Variants in STRA6 observed in about 807,000 individuals in gnomAD.
STRA6 encodes the protein receptor for retinol uptake STRA6.
A neutral mutation model predicts 83.6 loss-of-function variants in STRA6; 48 were observed. That is an observed-to-expected ratio of 0.57 (90% CI 0.46 to 0.73). STRA6 has a LOEUF of 0.73. Among genes scored for constraint, STRA6 ranks in the 30% least tolerant of loss-of-function variants. STRA6 has a pLI of 0.00. For synonymous variants in STRA6, 353 were observed against 362.3 expected (o/e 0.97, Z 0.29); for missense variants, 760 against 838.8 (o/e 0.91, Z 1.16).
rs2072890902 is a variant in STRA6, at chr15:74,179,939, C to T, written c.*141G>A. On this transcript the variant is annotated 3_prime_UTR_variant, in exon 19 of 19. Coordinates refer to ENST00000395105, the MANE Select transcript of STRA6 (RefSeq NM_022369.4). Reference sequence around the variant, plus strand: ...CCTGAGGCTCCCAGTGCAGACAGACCTCCACCCAACCACAGTGATCCGGAG... The same window carrying T: ...CCTGAGGCTCCCAGTGCAGACAGACTTCCACCCAACCACAGTGATCCGGAG... 1.7e-6 allele frequency: 2 copies of T among 1,189,632 alleles called. No individual in the cohort carries two copies. The highest frequency in any genetic ancestry group is 1.5e-5 in the African/African-American group (1 of 66,838). The allele number at this position is 1,189,632 out of a possible 1,614,324, so 73.7% of individuals were successfully genotyped here. A position where few individuals can be genotyped will look rare whatever the true frequency, so the allele number is the denominator to read the frequency against.
intron 17 of STRA6, 57 bp downstream of exon 17, chr15:74,181,238 C>T: frequency 4.4e-6 from 7 of 1,603,596 alleles, no homozygotes; most frequent in Non-Finnish European, 5.1e-6. Context: ...AGGGCAGATG[C>T]CTTCCTCACT....
upstream of STRA6, chr15:74,203,087 A>T: frequency 2.0e-6 from 2 of 985,564 alleles, no homozygotes; most frequent in South Asian, 4.7e-5. Context: ...CCAGCATTAC[A>T]GCAACAACCG....
In STRA6 at chr15:74,180,891, C is replaced by A. The variant is rs776349957; in HGVS notation, c.1731G>T (p.Ser577=). The change falls in exon 18 of 19, where the codon TCG becomes TCT. Residue 577 remains serine (S), a synonymous_variant. Transcript: ENST00000395105. ...RNFLKIEVSQ[S]HPAMTAFCSL... ...AGCAGAAGGCTGTCATGGCTGGATG[C>A]GACTGGCTGACTTCAATCTTCAAGA... is the stretch of plus-strand genomic sequence containing the variant. 4 of 1,613,974 alleles carry A rather than the reference C, an allele frequency of 2.5e-6. No individual in the cohort carries two copies. The highest frequency in any genetic ancestry group is 2.2e-5 in the South Asian group (2 of 91,066).
chr15:74,182,017 G>A, intron 16 of STRA6, 144 bp downstream of exon 16: 1 of 779,386 alleles, frequency 1.3e-6, no homozygotes, highest in Admixed American at 2.0e-5. Flanking sequence ...TTTCTCTATG[G>A]GTAAGGCAAG....
chr15:74,207,279 T>TCC (rs2074280942), upstream of STRA6, among the ~76,000 whole-genome samples: 1 of 151,836 alleles, frequency 6.6e-6, no homozygotes, highest in Non-Finnish European at 1.5e-5. Flanking sequence ...CTCAGAAACA[T>TCC]CCCCTCAAGG....
In STRA6 at chr15:74,183,995, G is replaced by A; in HGVS notation, c.1167-6C>T. The A allele has an allele frequency of 6.2e-7, 1 of 1,612,688 alleles. No individual in the cohort carries two copies. The highest frequency in any genetic ancestry group is 8.5e-7 in the Non-Finnish European group (1 of 1,180,012). ...GCAGAGCTCGAAGGTTGGTCCTGGG[G>A]TGGGAGCCAGGGAGGCAGAGACCTC... On this transcript the variant is annotated splice_polypyrimidine_tract_variant and splice_region_variant and intron_variant, in intron 13 of 18. Coordinates refer to ENST00000395105, the MANE Select transcript of STRA6 (RefSeq NM_022369.4).
chr15:74,211,393 C>CTTTTT (rs34963230), upstream of STRA6, among the ~76,000 whole-genome samples: 61 of 73,888 alleles, frequency 8.3e-4, no homozygotes, highest in East Asian at 1.3e-3. Flanking sequence ...CTGCCCCTGG[C>CTTTTT]TTTTTTTTTT....
rs759656833 is a variant in STRA6 at position 74,191,130 on chromosome 15, C to A, written c.865+37G>T. On this transcript the variant is annotated intron_variant, in intron 10 of 18. Transcript: ENST00000395105. ...CATTCTGTGCAAGGGAGGGTAACGT[C>A]CCCTGTCACGCTCGGCCTCAGCTCC... 4.3e-6 allele frequency: 7 copies of A among 1,610,778 alleles called. No individual in the cohort carries two copies. In the African/African-American group the frequency reaches 6.7e-5, roughly 15 times the overall value.
At chr15:74,201,255 A>C (rs2074045882) in intron 2 of STRA6, among the ~76,000 whole-genome samples, 1 of 152,152 alleles carries the variant, frequency 6.6e-6, no homozygotes, top group African/African-American at 2.4e-5. Context: ...TTTCCTTCTC[A>C]AGTTTCAGGT....
Position 74,188,072 on chromosome 15 carries a change from C to T in STRA6, c.1090+1043G>A, listed in dbSNP as rs908158711. Among the ~76,000 whole-genome samples the T allele has an allele frequency of 3.3e-5, 5 of 152,286 alleles. No individual in the cohort carries two copies. Among genetic ancestry groups the T allele is most frequent in the Admixed American group, 6.5e-5 (1 of 15,296 alleles). The stretch of plus-strand genomic sequence containing the variant: ...ACTTGTCACCTGTCCAGTTTGTTGC[C>T]CTCAGCAGCAGTTCCAGGGCAGCCT... On this transcript the variant is annotated intron_variant, in intron 12 of 18. Coordinates refer to ENST00000395105, the MANE Select transcript of STRA6 (RefSeq NM_022369.4). The surrounding 1 kb of genome is among the most constrained non-coding windows in gnomAD (Gnocchi z 4.5).
At chr15:74,186,757 C>A (rs1432665459) in intron 12 of STRA6, among the ~76,000 whole-genome samples, 3 of 152,060 alleles carry the variant, frequency 2.0e-5, no homozygotes, top group African/African-American at 4.8e-5. Flanking sequence ...GGCGACAGAG[C>A]ACAACTCCAT....
chr15:74,182,443 T>C lies in STRA6; in HGVS notation c.1318A>G (p.Ile440Val). 1 of 1,610,124 alleles carries C rather than the reference T, an allele frequency of 6.2e-7. No individual in the cohort carries two copies. The highest frequency in any genetic ancestry group is 8.5e-7 in the Non-Finnish European group (1 of 1,178,260). The stretch of plus-strand genomic sequence containing the variant: ...GCCGTGGTTCCCAGGAAGAAGATGA[T>C]CTGCTGCACCAGGAGCCCTGCCAGG... ...FICLGLLVQQ[I>V]IFFLGTTALA... The change falls in exon 15 of 19, where the codon ATC (isoleucine) becomes GTC (valine). Residue 440 changes from isoleucine to valine, a missense_variant. Physicochemically the swap from Ile to Val is conservative, Grantham distance 29. Transcript: ENST00000395105.
chr15:74,192,105 C>T (rs28541653), intron 8 of STRA6: 1,984 of 162,362 alleles, frequency 0.012, 43 homozygotes, highest in African/African-American at 0.045. Context: ...CCTGGGATCC[C>T]GGGCAGGAGT....
upstream of STRA6, among the ~76,000 whole-genome samples, chr15:74,204,272 T>C (rs1189981112): frequency 6.6e-6 from 1 of 152,154 alleles, no homozygotes; most frequent in Non-Finnish European, 1.5e-5. Context: ...ACTCTATCCC[T>C]CCCACCCCTC....
At position 74,186,095 on chromosome 15, in the gene STRA6, C is replaced by T. The variant is rs944578176; in HGVS notation, c.1091-1040G>A. Among the ~76,000 whole-genome samples, 7 of 152,212 alleles carry T rather than the reference C, an allele frequency of 4.6e-5. No individual in the cohort carries two copies. In the East Asian group the frequency reaches 1.3e-3, roughly 29 times the overall value. On this transcript the variant is annotated intron_variant, in intron 12 of 18. Coordinates refer to ENST00000395105, the MANE Select transcript of STRA6 (RefSeq NM_022369.4). ...ATCACCTGGAGCTGCTAAAACTCGCCCATAGCCCAGCCTGCACCCAAACCA... is the reference window on the plus strand; with the variant it reads ...ATCACCTGGAGCTGCTAAAACTCGCTCATAGCCCAGCCTGCACCCAAACCA...
At chr15:74,210,893 G>A (rs1337003682), upstream of STRA6, among the ~76,000 whole-genome samples, 1 of 152,234 alleles carries the variant, frequency 6.6e-6, no homozygotes, top group Non-Finnish European at 1.5e-5. Context: ...AAACAGTTGT[G>A]ATAGCTGGAT....
Position 74,193,694 on chromosome 15 carries a change from G to A in STRA6, c.720+106C>T. On this transcript the variant is annotated intron_variant, in intron 8 of 18. Transcript: ENST00000395105. ...AACATTTTCTGAGCATCTATTCTGT[G>A]CTGGGCCCTACATCAAGCACGGCCA... The A allele has an allele frequency of 2.6e-6, 4 of 1,556,624 alleles. No homozygotes were observed. In the South Asian group the frequency reaches 4.5e-5, roughly 17 times the overall value.
chr15:74,190,950 G>A (rs766642927), intron 10 of STRA6, 49 bp from the exon 11 acceptor site: 19 of 1,611,944 alleles, frequency 1.2e-5, no homozygotes, highest in South Asian at 3.3e-5. Flanking sequence ...ACTCAGGCCC[G>A]GGAGCCCTCC....
Position 74,180,230 on chromosome 15 carries a change from T to C in STRA6, c.1854A>G (p.Leu618=), listed in dbSNP as rs748860260. ...CCTTGGCCATGGAGTCCTTTGTCTGTAGCAGCTGCATCCCTGAGAGAGACG... is the reference window on the plus strand; with the variant it reads ...CCTTGGCCATGGAGTCCTTTGTCTGCAGCAGCTGCATCCCTGAGAGAGACG... ...PGEEDEGMQL[L]QTKDSMAKGA... Residue 618 remains leucine (L), a synonymous_variant, in exon 19 of 19, where the codon CTA becomes CTG. Transcript: ENST00000395105. The C allele has an allele frequency of 1.1e-5, 18 of 1,614,110 alleles. No homozygotes were observed. The East Asian group carries it at 3.8e-4, about 34-fold the overall frequency.
Sources: allele counts gnomAD v4.1 joint callset (sites outside exome capture counted in the v4.1 genomes callset), GRCh38; gene constraint gnomAD v4.1.1; non-coding constraint Gnocchi (gnomAD v3.1); transcripts MANE v1.5; gene names NCBI Gene and HGNC (gene_info 2026-07-23, HGNC 2026-07-21).